BCAS2: variants seen among roughly 807,000 people sequenced by gnomAD.
BCAS2 encodes the protein BCAS2 pre-mRNA processing factor.
In BCAS2, 34 loss-of-function variants were observed where a neutral mutation model predicts 35.3. That is an observed-to-expected ratio of 0.96 (90% CI 0.73 to 1.28). BCAS2 has a LOEUF of 1.28. Ranked by LOEUF, BCAS2 falls within the 50% of genes most tolerant of loss-of-function variation. BCAS2 has a pLI of 0.00. For missense variants in BCAS2, 221 were observed against 268.1 expected, an observed-to-expected ratio of 0.82 and a Z score of 1.23; for synonymous variants, 75 against 91.6, an observed-to-expected ratio of 0.82 and a Z score of 1.03.
intron 4 of BCAS2, among the ~76,000 whole-genome samples, chr1:114,571,555 C>T (rs1305872252): frequency 6.6e-6 from 1 of 152,068 alleles, no homozygotes; most frequent in Non-Finnish European, 1.5e-5. Context: ...GACAGGGTTT[C>T]ACCACGTTGT....
At chr1:114,571,518 G>A (rs114131444) in intron 4 of BCAS2, among the ~76,000 whole-genome samples, 130 of 151,974 alleles carry the variant, frequency 8.6e-4, no homozygotes, top group Non-Finnish European at 1.4e-3. Context: ...CACCATGCCC[G>A]GCTAATTTTC....
chr1:114,568,207 G>A lies in BCAS2; in HGVS notation c.601C>T (p.Gln201Ter), dbSNP rs776662991. 1.9e-6 allele frequency: 3 copies of A among 1,613,828 alleles called. No homozygotes were observed. Among genetic ancestry groups the A allele is most frequent in the Non-Finnish European group, 2.5e-6 (3 of 1,179,910 alleles). ...KNYEIERTIV[Q>*]LENEIYQIKQ... is the part of the protein sequence containing the mutation. ...ATTTGATAGATTTCATTTTCTAGCT[G>A]AACAATAGTCCGTTCAATCTCATAA... Residue 201 changes from glutamine (Q) to a stop codon, truncating the protein, a stop_gained, in exon 7 of 7, where the codon CAG (glutamine) becomes TAG (stop). Coordinates refer to ENST00000369541, the MANE Select transcript of BCAS2 (RefSeq NM_005872.3). LOFTEE classifies it high-confidence loss of function.
intron 5 of BCAS2, 97 bp from the exon 6 acceptor site, chr1:114,570,169 GAAC>G (rs1228324797): frequency 8.4e-6 from 7 of 835,462 alleles, no homozygotes; most frequent in African/African-American, 3.4e-5. Context: ...AATCCCATGA[GAAC>G]AATATTATGT....
chr1:114,578,106 C>T (rs542547109), intron 2 of BCAS2, among the ~76,000 whole-genome samples: 19 of 152,280 alleles, frequency 1.2e-4, no homozygotes, highest in African/African-American at 4.3e-4. Flanking sequence ...AGGAGAATTG[C>T]TTGAACCTGG....
intron 3 of BCAS2, 59 bp from the exon 4 acceptor site, chr1:114,575,810 T>G: frequency 1.3e-6 from 2 of 1,553,692 alleles, no homozygotes; most frequent in Non-Finnish European, 1.7e-6. Flanking sequence ...TTTACATCTC[T>G]TCTCAGTAGA....
At position 114,575,751 on chromosome 1, in the gene BCAS2, T is replaced by C. The variant is rs1654746990; in HGVS notation, c.258A>G (p.Arg86=). The C allele has an allele frequency of 2.2e-5, 35 of 1,610,378 alleles. No homozygotes were observed. The highest frequency in any genetic ancestry group is 2.7e-5 in the Non-Finnish European group (32 of 1,179,150). The change falls in exon 4 of 7, where the codon CGA becomes CGG. Residue 86 remains arginine, a splice_region_variant and synonymous_variant. Transcript: ENST00000369541. ...RQPIELLSMK[R]YELPAPSSGQ... is the part of the protein sequence containing the mutation. ...CAGAGGAGGGGGCTGGAAGCTCATA[T>C]CTGAAATTAAACAACAAAATAAAAT...
chr1:114,581,409 G>C lies in BCAS2; in HGVS notation c.94-18C>G. 6.2e-7 allele frequency: 1 copy of C among 1,614,050 alleles called. No homozygotes were observed. The highest frequency in any genetic ancestry group is 8.5e-7 in the Non-Finnish European group (1 of 1,179,970). ...GCTGCAGCCTAAGAAAGAGAATAGG[G>C]ACCAGGGTAGAAGTGGCAAATTGTA... On this transcript the variant is annotated intron_variant, in intron 1 of 6. Coordinates refer to ENST00000369541, the MANE Select transcript of BCAS2 (RefSeq NM_005872.3).
chr1:114,581,334 T>C lies in BCAS2; in HGVS notation c.151A>G (p.Ser51Gly). Residue 51 changes from serine to glycine, a missense_variant, in exon 2 of 7, where the codon AGC becomes GGC. Coordinates refer to ENST00000369541, the MANE Select transcript of BCAS2 (RefSeq NM_005872.3). Reference protein sequence around the residue: ...RRYRPTKNYLSYLTAPDYSAF... With the variant: ...RRYRPTKNYLGYLTAPDYSAF... Reference sequence around the variant, plus strand: ...GAATAATCCGGGGCTGTCAGGTAGCTCAGGTAGTTCTTAGTAGGTCGGTAT... The same window carrying C: ...GAATAATCCGGGGCTGTCAGGTAGCCCAGGTAGTTCTTAGTAGGTCGGTAT... 2.5e-6 allele frequency: 4 copies of C among 1,614,174 alleles called. No homozygotes were observed. The South Asian group carries it at 4.4e-5, about 18-fold the overall frequency.
chr1:114,577,906 T>C (rs1654805428), intron 2 of BCAS2, among the ~76,000 whole-genome samples: 1 of 152,216 alleles, frequency 6.6e-6, no homozygotes, highest in African/African-American at 2.4e-5. Flanking sequence ...TAAAAGTTTT[T>C]ATTAGGCCGG....
chr1:114,568,755 CTT>C (rs67319421), intron 6 of BCAS2, among the ~76,000 whole-genome samples: 5 of 83,226 alleles, frequency 6.0e-5, no homozygotes, highest in Non-Finnish European at 1.2e-4. Flanking sequence ...TCTCTGTATT[CTT>C]TTTTTTTTTT....
rs34796829 is a variant in BCAS2 at position 114,573,122 on chromosome 1, C to CAA, written c.420-2374_420-2373dup. On this transcript the variant is annotated intron_variant, in intron 4 of 6. Transcript: ENST00000369541. ...CTGTCCCGCCCCCCGCCCCCACCTCCAAAAAAAAAAAAAAAAAAAAAAAAA... is the reference window on the plus strand; with the variant it reads ...CTGTCCCGCCCCCCGCCCCCACCTCCAAAAAAAAAAAAAAAAAAAAAAAAAAA... 1.4e-3 allele frequency among the ~76,000 whole-genome samples: 9 copies of CAA among 6,366 alleles called. 1 individual carries two copies. Among genetic ancestry groups the CAA allele is most frequent in the East Asian group, 7.8e-3 (1 of 128 alleles). The allele number at this position is 6,366 out of a possible 152,430, so 4.2% of individuals were successfully genotyped here.
intron 4 of BCAS2, among the ~76,000 whole-genome samples, chr1:114,571,301 T>A (rs1654635201): frequency 1.3e-5 from 2 of 152,034 alleles, no homozygotes; most frequent in South Asian, 4.1e-4. Flanking sequence ...CCTCAAGTGA[T>A]CCATCTGCCT....
rs147976217 is a variant in BCAS2, at chr1:114,568,738, T to C, written c.552-482A>G. Among the ~76,000 whole-genome samples, 56 of 149,208 alleles carry C rather than the reference T, an allele frequency of 3.8e-4. No homozygotes were observed. The East Asian group carries it at 0.011, about 29-fold the overall frequency. The stretch of plus-strand genomic sequence containing the variant: ...TGTGGAAAAGTAGGTAAAGGGTACA[T>C]GGAATCTCTCTGTATTCTTTTTTTT... On this transcript the variant is annotated intron_variant, in intron 6 of 6. Transcript: ENST00000369541.
At chr1:114,570,357 T>C (rs561709028) in intron 5 of BCAS2, among the ~76,000 whole-genome samples, 44 of 152,312 alleles carry the variant, frequency 2.9e-4, no homozygotes, top group African/African-American at 1.0e-3. Flanking sequence ...ATAACTCCTG[T>C]TGAGTTTTTG....
chr1:114,579,695 G>A (rs968325122), intron 2 of BCAS2, among the ~76,000 whole-genome samples: 5 of 151,946 alleles, frequency 3.3e-5, no homozygotes, highest in South Asian at 2.1e-4. Context: ...GTAAAATCCC[G>A]TCTCTACTGA....
chr1:114,577,626 CAA>C (rs1420248810), intron 2 of BCAS2, among the ~76,000 whole-genome samples: 2 of 152,270 alleles, frequency 1.3e-5, no homozygotes, highest in Non-Finnish European at 2.9e-5. Flanking sequence ...CTCAGCCTCC[CAA>C]AGTGTCTTTT....
intron 4 of BCAS2, among the ~76,000 whole-genome samples, chr1:114,571,609 TCAGCCTC>T (rs1407872221): frequency 1.3e-4 from 20 of 152,138 alleles, no homozygotes; most frequent in African/African-American, 4.8e-4. Flanking sequence ...TCTCCCCACC[TCAGCCTC>T]CAAAGTGTTG....
intron 4 of BCAS2, among the ~76,000 whole-genome samples, chr1:114,574,020 G>A (rs762605502): frequency 2.0e-5 from 3 of 152,114 alleles, no homozygotes; most frequent in African/African-American, 4.8e-5. Context: ...TAGACACTCA[G>A]GAAATTTTAG....
chr1:114,571,544 A>C (rs1654643912), intron 4 of BCAS2, among the ~76,000 whole-genome samples: 1 of 152,058 alleles, frequency 6.6e-6, no homozygotes, highest in Admixed American at 6.6e-5. Context: ...TTTTTTGTAG[A>C]GACAGGGTTT....
Sources: gnomAD v4.1 joint callset for allele counts (sites outside exome capture counted in the v4.1 genomes callset) on GRCh38, gnomAD v4.1.1 for gene constraint, MANE v1.5 for transcripts, NCBI Gene and HGNC (gene_info 2026-07-23, HGNC 2026-07-21) for gene names.